The following RSRC1 variants were observed in gnomAD, a reference collection of about 807,000 sequenced individuals.
RSRC1 encodes the protein arginine and serine rich coiled-coil 1.
In RSRC1, 39 loss-of-function variants were observed where a neutral mutation model predicts 49.1. The observed-to-expected ratio is 0.79, with a 90% CI of 0.61 to 1.04. The LOEUF (loss-of-function observed/expected upper bound fraction) is 1.04. Ranked by LOEUF, RSRC1 falls within the 50% of genes least tolerant of loss-of-function variation. The pLI is 0.00. For synonymous variants in RSRC1, 143 were observed against 130.8 expected (o/e 1.09, Z -0.63); for missense variants, 388 against 402.4 (o/e 0.96, Z 0.31).
chr3:158,538,965 A>G lies in RSRC1; in HGVS notation c.759+1767A>G, dbSNP rs141521522. ...AGATTCTAAAATATCTATATCTGCA[A>G]TATAAGGCAAGGATTCAGGATGCCC... On this transcript the variant is annotated intron_variant, in intron 8 of 9. Transcript: ENST00000611884. Among the ~76,000 whole-genome samples, 401 of 152,064 alleles carry G rather than the reference A, an allele frequency of 2.6e-3. 1 individual carries two copies. The highest frequency in any genetic ancestry group is 9.3e-3 in the African/African-American group (388 of 41,556).
chr3:158,256,752 G>T (rs112014459), intron 4 of RSRC1, among the ~76,000 whole-genome samples: 34,196 of 152,028 alleles, frequency 0.22, 4,322 homozygotes, highest in Non-Finnish European at 0.29. Flanking sequence ...TTCAGAGCCT[G>T]TTACTTGTCT....
At chr3:158,508,913 G>T (rs925687634) in intron 7 of RSRC1, among the ~76,000 whole-genome samples, 2 of 152,062 alleles carry the variant, frequency 1.3e-5, no homozygotes, top group African/African-American at 4.8e-5. Flanking sequence ...TCCCACCTCT[G>T]CTCCCTGATT....
At chr3:158,497,779 C>G (rs1469474296) in intron 7 of RSRC1, among the ~76,000 whole-genome samples, 1 of 152,136 alleles carries the variant, frequency 6.6e-6, no homozygotes, top group Admixed American at 6.5e-5. Context: ...GCTTAGCTCC[C>G]ACATATCAGT....
At chr3:158,192,626 C>T (rs552138233) in intron 3 of RSRC1, among the ~76,000 whole-genome samples, 1 of 152,154 alleles carries the variant, frequency 6.6e-6, no homozygotes, top group Non-Finnish European at 1.5e-5. Context: ...TGTGATCAGA[C>T]TCTGCTTCCT....
chr3:158,272,179 G>T (rs1725555813), intron 4 of RSRC1, among the ~76,000 whole-genome samples: 1 of 152,068 alleles, frequency 6.6e-6, no homozygotes, highest in Non-Finnish European at 1.5e-5. Context: ...AAGCCCCGTG[G>T]ATTTTTTCCC....
chr3:158,398,050 T>G (rs1439798206), intron 6 of RSRC1, among the ~76,000 whole-genome samples: 1 of 151,776 alleles, frequency 6.6e-6, no homozygotes, highest in Non-Finnish European at 1.5e-5. Context: ...GAAGGCTTGG[T>G]AGGGAGTGTT....
At chr3:158,243,122 C>T (rs1723687257) in intron 4 of RSRC1, among the ~76,000 whole-genome samples, 1 of 152,082 alleles carries the variant, frequency 6.6e-6, no homozygotes, top group African/African-American at 2.4e-5. Flanking sequence ...AAATCTTTGC[C>T]CATGCCTATG....
chr3:158,230,552 GA>G (rs1553772043), intron 4 of RSRC1, among the ~76,000 whole-genome samples: 1 of 28,730 alleles, frequency 3.5e-5, no homozygotes, highest in Admixed American at 4.3e-4. Flanking sequence ...GTGAATAAAT[GA>G]AATAAAACAT....
intron 6 of RSRC1, among the ~76,000 whole-genome samples, chr3:158,422,883 A>G (rs1158353889): frequency 6.6e-6 from 1 of 151,782 alleles, no homozygotes; most frequent in East Asian, 1.9e-4. Context: ...TCTTTTGAGA[A>G]GTGTCTGTTC....
intron 5 of RSRC1, among the ~76,000 whole-genome samples, chr3:158,331,537 T>G (rs1729545639): frequency 6.6e-6 from 1 of 152,088 alleles, no homozygotes; most frequent in Non-Finnish European, 1.5e-5. Flanking sequence ...ATCTGTTGGG[T>G]TTTTTTCTTT....
chr3:158,150,818 C>G (rs1017874522), intron 3 of RSRC1, among the ~76,000 whole-genome samples: 6 of 152,118 alleles, frequency 3.9e-5, no homozygotes, highest in Non-Finnish European at 8.8e-5. Flanking sequence ...TGGAACAGAT[C>G]TATATCTAAT....
intron 4 of RSRC1, among the ~76,000 whole-genome samples, chr3:158,216,265 A>G (rs1252694744): frequency 6.6e-6 from 1 of 151,060 alleles, no homozygotes; most frequent in Admixed American, 6.6e-5. Context: ...ATGATGTGGC[A>G]GTTTTTGTTT....
At chr3:158,362,500 T>A (rs1731534954) in intron 6 of RSRC1, among the ~76,000 whole-genome samples, 1 of 152,210 alleles carries the variant, frequency 6.6e-6, no homozygotes, top group Admixed American at 6.5e-5. Flanking sequence ...AACATTTAGA[T>A]GCTGATGTGC....
At chr3:158,518,426 A>G (rs896111055) in intron 7 of RSRC1, among the ~76,000 whole-genome samples, 1 of 146,994 alleles carries the variant, frequency 6.8e-6, no homozygotes, top group African/African-American at 2.5e-5. Flanking sequence ...AAGGACTACT[A>G]TAACTCTTCA....
Position 158,121,187 on chromosome 3 carries a change from C to A in RSRC1, c.-2-916C>A, listed in dbSNP as rs182152618. On this transcript the variant is annotated intron_variant, in intron 1 of 9. Coordinates refer to ENST00000611884, the MANE Select transcript of RSRC1 (RefSeq NM_001271838.2). ...TGATGAATATTTTCATGAATATATC[C>A]TTTAGAAAAATTTTTTCAGATGTAT... 5.7e-3 allele frequency among the ~76,000 whole-genome samples: 873 copies of A among 151,852 alleles called. 10 individuals are homozygous for A. Among genetic ancestry groups the A allele is most frequent in the South Asian group, 6.9e-3 (33 of 4,804 alleles).
At chr3:158,341,251 G>A (rs534619205) in intron 5 of RSRC1, among the ~76,000 whole-genome samples, 2 of 152,158 alleles carry the variant, frequency 1.3e-5, no homozygotes, top group Non-Finnish European at 2.9e-5. Context: ...AAGACCATGG[G>A]GAAAATGTCT....
In RSRC1 at chr3:158,117,669, AGGCTGGG is replaced by A. The variant is rs1176537154; in HGVS notation, c.-2-4431_-2-4425del. On this transcript the variant is annotated intron_variant, in intron 1 of 9. Coordinates refer to ENST00000611884, the MANE Select transcript of RSRC1 (RefSeq NM_001271838.2). Reference sequence around the variant, plus strand: ...AAGACAGGATCTCACCCTATCACCCAGGCTGGGGGTGCAGTGGTGGGATTATACCTCA... The same window carrying A: ...AAGACAGGATCTCACCCTATCACCCAGGTGCAGTGGTGGGATTATACCTCA... 2.6e-5 allele frequency among the ~76,000 whole-genome samples: 4 copies of A among 152,062 alleles called. No individual in the cohort carries two copies. In the East Asian group the frequency reaches 7.7e-4, roughly 29 times the overall value.
intron 5 of RSRC1, chr3:158,303,337 G>T (rs1417121081): frequency 6.6e-6 from 1 of 152,180 alleles, no homozygotes; most frequent in East Asian, 1.9e-4. Flanking sequence ...CCTTTGGCAA[G>T]GAATGAAATG....
At chr3:158,205,864 T>A (rs931467796) in intron 4 of RSRC1, among the ~76,000 whole-genome samples, 4 of 152,146 alleles carry the variant, frequency 2.6e-5, no homozygotes, top group Admixed American at 6.6e-5. Context: ...TAAGAAAGTT[T>A]ACGAATTTGT....
Sources: allele counts gnomAD v4.1 joint callset (sites outside exome capture counted in the v4.1 genomes callset), GRCh38; gene constraint gnomAD v4.1.1; transcripts MANE v1.5; gene names NCBI Gene and HGNC (gene_info 2026-07-23, HGNC 2026-07-21).